Variants in IMPG2 observed in about 807,000 individuals in gnomAD.
IMPG2 encodes IPM 200.
IMPG2 carries 91 observed loss-of-function variants against 129.2 expected under a neutral mutation model. The ratio of observed to expected loss-of-function variants is 0.70; its 90% CI spans 0.59 to 0.84. IMPG2 has a LOEUF of 0.84. IMPG2 is among the 40% of genes least tolerant of loss of function. The pLI is 0.00. For synonymous variants in IMPG2, 510 were observed against 517.7 expected (o/e 0.99, Z 0.20); for missense variants, 1,430 against 1,461.7 (o/e 0.98, Z 0.35).
chr3:101,270,238 A>T (rs72932478), intron 7 of IMPG2, among the ~76,000 whole-genome samples: 6,776 of 152,014 alleles, frequency 0.045, 518 homozygotes, highest in African/African-American at 0.15. Context: ...TTTTTAAATG[A>T]TATTGTTTGG....
Position 101,269,537 on chromosome 3 carries a change from C to T in IMPG2, c.865G>A (p.Glu289Lys). 6.3e-7 allele frequency: 1 copy of T among 1,593,596 alleles called. No individual in the cohort carries two copies. Among genetic ancestry groups the T allele is most frequent in the Non-Finnish European group, 8.6e-7 (1 of 1,161,558 alleles). ...NAFTGLPGYK[E>K]IRVLEFRSPK... ...TACCTAAATTCAAGTACACGAATTT[C>T]CTTGTAGCCTGGTAACCCAGTAAAT... The change falls in exon 8 of 19, where the codon GAA becomes AAA. Residue 289 changes from glutamate (E) to lysine (K), a missense_variant. Transcript: ENST00000193391.
intron 16 of IMPG2, 139 bp from the exon 17 acceptor site, chr3:101,229,729 T>C (rs1220078597): frequency 1.3e-6 from 1 of 774,800 alleles, no homozygotes; most frequent in East Asian, 2.7e-5. Context: ...GTGAAAAACA[T>C]CTAGATCAAC....
chr3:101,262,374 G>A (rs530498288), intron 9 of IMPG2, among the ~76,000 whole-genome samples: 18 of 151,926 alleles, frequency 1.2e-4, no homozygotes, highest in South Asian at 8.3e-4. Context: ...AGAGAGAAAC[G>A]GTATGTTATA....
chr3:101,243,860 G>C lies in IMPG2; in HGVS notation c.2471C>G (p.Ser824Cys). 1 of 1,614,150 alleles carries C rather than the reference G, an allele frequency of 6.2e-7. No individual in the cohort carries two copies. The highest frequency in any genetic ancestry group is 8.5e-7 in the Non-Finnish European group (1 of 1,180,008). Residue 824 changes from serine to cysteine, a missense_variant, in exon 13 of 19, where the codon TCC (serine) becomes TGC (cysteine). By Grantham distance (112) the Ser-to-Cys change is moderately radical. Coordinates refer to ENST00000193391, the MANE Select transcript of IMPG2 (RefSeq NM_016247.4). ...QSTKLPPTTISTLLEDEVIMG... is the reference protein window; with the variant it reads ...QSTKLPPTTICTLLEDEVIMG... ...AATTACTTCATCCTCTAGCAGGGTG[G>C]AGATTGTGGTTGGAGGCAATTTGGT...
At chr3:101,265,765 C>A (rs1706715255) in intron 9 of IMPG2, among the ~76,000 whole-genome samples, 1 of 152,122 alleles carries the variant, frequency 6.6e-6, no homozygotes, top group Non-Finnish European at 1.5e-5. Context: ...GAAAAGGTAA[C>A]CCGCAGTACG....
chr3:101,310,872 A>C (rs931268588), intron 2 of IMPG2, among the ~76,000 whole-genome samples: 1 of 152,264 alleles, frequency 6.6e-6, no homozygotes, highest in East Asian at 1.9e-4. Flanking sequence ...CCTATAAATT[A>C]TGCTTTGGGC....
chr3:101,260,081 T>G (rs895208426), intron 9 of IMPG2, among the ~76,000 whole-genome samples: 2 of 152,114 alleles, frequency 1.3e-5, no homozygotes, highest in African/African-American at 2.4e-5. Context: ...GGACCTGGCC[T>G]GGCCTACATG....
At chr3:101,283,833 C>T (rs1030741394) in intron 4 of IMPG2, among the ~76,000 whole-genome samples, 20 of 152,266 alleles carry the variant, frequency 1.3e-4, no homozygotes, top group African/African-American at 4.8e-4. Flanking sequence ...GTTTGATAAA[C>T]ACTGTTCTAA....
chr3:101,290,127 G>T (rs503252), intron 4 of IMPG2, among the ~76,000 whole-genome samples: 137,573 of 151,934 alleles, frequency 0.91, 62,409 homozygotes, highest in East Asian at 1. Flanking sequence ...AGTTCTATCA[G>T]TACAACTATA....
chr3:101,276,551 A>G (rs888579752), intron 5 of IMPG2, 113 bp downstream of exon 5: 3 of 733,078 alleles, frequency 4.1e-6, no homozygotes, highest in Non-Finnish European at 4.7e-6. Context: ...GTATTAAAAA[A>G]GAGAAATCTG....
chr3:101,284,597 G>C (rs1706926313), intron 4 of IMPG2, among the ~76,000 whole-genome samples: 1 of 151,756 alleles, frequency 6.6e-6, no homozygotes, highest in Non-Finnish European at 1.5e-5. Flanking sequence ...AATGGCAAAA[G>C]GAGAATGCAT....
intron 9 of IMPG2, among the ~76,000 whole-genome samples, chr3:101,260,184 C>T (rs1214935099): frequency 2.0e-5 from 3 of 152,104 alleles, no homozygotes; most frequent in African/African-American, 7.2e-5. Context: ...TTGGATGTTC[C>T]TGTCTTACTC....
At chr3:101,237,013 C>T (rs544565399) in intron 14 of IMPG2, among the ~76,000 whole-genome samples, 23 of 152,262 alleles carry the variant, frequency 1.5e-4, no homozygotes, top group South Asian at 6.2e-4. Context: ...CAACCTGGGG[C>T]GCTCGAGCTT....
At chr3:101,314,305 A>G (rs2058772321) in intron 2 of IMPG2, among the ~76,000 whole-genome samples, 1 of 152,158 alleles carries the variant, frequency 6.6e-6, no homozygotes, top group South Asian at 2.1e-4. Context: ...CATGGGACAT[A>G]CGTACACTAA....
At chr3:101,283,689 T>C (rs991282078) in intron 4 of IMPG2, among the ~76,000 whole-genome samples, 3 of 152,118 alleles carry the variant, frequency 2.0e-5, no homozygotes, top group Admixed American at 2.0e-4. Flanking sequence ...CATACTGATA[T>C]ACTACATAGC....
intron 4 of IMPG2, among the ~76,000 whole-genome samples, chr3:101,284,533 C>T (rs918822599): frequency 1.3e-5 from 2 of 150,158 alleles, no homozygotes; most frequent in African/African-American, 4.9e-5. Flanking sequence ...ATTCAAGAAA[C>T]TAAATCAAGA....
rs1404464988 is a variant in IMPG2 at position 101,243,525 on chromosome 3, T to C, written c.2802+4A>G. The C allele has an allele frequency of 1.2e-6, 2 of 1,613,358 alleles. No individual in the cohort carries two copies. Among genetic ancestry groups the C allele is most frequent in the South Asian group, 2.2e-5 (2 of 91,016 alleles). Reference sequence around the variant, plus strand: ...AGTGCCCATGTTTCACTTTTTATGCTTACCAATTCTAAGAATCTTTGCTCC... The same window carrying C: ...AGTGCCCATGTTTCACTTTTTATGCCTACCAATTCTAAGAATCTTTGCTCC... On this transcript the variant is annotated splice_donor_region_variant and intron_variant, in intron 13 of 18. Coordinates refer to ENST00000193391, the MANE Select transcript of IMPG2 (RefSeq NM_016247.4).
intron 14 of IMPG2, among the ~76,000 whole-genome samples, chr3:101,241,226 A>G (rs1706403050): frequency 6.6e-6 from 1 of 152,242 alleles, no homozygotes; most frequent in African/African-American, 2.4e-5. Flanking sequence ...AGAACATTGT[A>G]CTGGTAATAT....
At chr3:101,246,845 T>C (rs754745211) in intron 11 of IMPG2, among the ~76,000 whole-genome samples, 3 of 152,210 alleles carry the variant, frequency 2.0e-5, no homozygotes, top group Non-Finnish European at 2.9e-5. Context: ...GGCTCAGGTC[T>C]ATAATCCCAG....
Sources: allele counts gnomAD v4.1 joint callset (sites outside exome capture counted in the v4.1 genomes callset), GRCh38; gene constraint gnomAD v4.1.1; transcripts MANE v1.5; gene names NCBI Gene and HGNC (gene_info 2026-07-23, HGNC 2026-07-21).